The following CDYL variants were observed in gnomAD, a reference collection of about 807,000 sequenced individuals.
The protein encoded by CDYL is chromodomain Y like, also known as chromodomain Y-like protein.
In CDYL, 8 loss-of-function variants were observed where a neutral mutation model predicts 47.3. The ratio of observed to expected loss-of-function variants is 0.17; its 90% CI spans 0.10 to 0.31. CDYL has a LOEUF of 0.31. CDYL is among the 10% of genes least tolerant of loss of function. The pLI is 1.00. For missense variants in CDYL, 471 were observed against 701.4 expected (o/e 0.67, Z 3.71); for synonymous variants, 266 against 265.0 (o/e 1.00, Z -0.04).
In CDYL at chr6:4,891,907, G is replaced by T. The variant is rs1398289550; in HGVS notation, c.219G>T (p.Arg73Ser). The T allele has an allele frequency of 1.2e-6, 2 of 1,613,922 alleles. No individual in the cohort carries two copies. The highest frequency in any genetic ancestry group is 2.7e-5 in the African/African-American group (2 of 74,868). The change falls in exon 2 of 7, where the codon AGG (arginine) becomes AGT (serine). Residue 73 changes from arginine to serine, a missense_variant. Physicochemically the swap from Arg to Ser is moderately radical, Grantham distance 110. Transcript: ENST00000397588. ...QKESTLTRTN[R>S]TSPNNARKQI... ...AGAGCACATTGACCAGAACAAACAG[G>T]ACCTCTCCCAACAATGCTAGGAAAC...
intron 1 of CDYL, among the ~76,000 whole-genome samples, chr6:4,778,811 T>C (rs1758537142): frequency 6.6e-6 from 1 of 152,180 alleles, no homozygotes; most frequent in South Asian, 2.1e-4. Context: ...GTGACTATGT[T>C]ACCATTGAAA....
In CDYL at chr6:4,895,813, G is replaced by A. The variant is rs1412067211; in HGVS notation, c.691+3434G>A. Among the ~76,000 whole-genome samples the A allele has an allele frequency of 2.0e-5, 3 of 152,106 alleles. No homozygotes were observed. In the East Asian group the frequency reaches 5.8e-4, roughly 29 times the overall value. On this transcript the variant is annotated intron_variant, in intron 2 of 6. Coordinates refer to ENST00000397588, the MANE Select transcript of CDYL (RefSeq NM_004824.4). ...TCATTCCTTTATATTTCTTATATAA[G>A]GAAGATAATAATAGCTTCCATTTAA...
chr6:4,728,017 AG>A (rs1757545106), intron 2 of CDYL, among the ~76,000 whole-genome samples: 1 of 152,186 alleles, frequency 6.6e-6, no homozygotes, highest in Admixed American at 6.5e-5. Flanking sequence ...TGTTGGTTAG[AG>A]GGTTTACAAC....
intron 3 of CDYL, among the ~76,000 whole-genome samples, chr6:4,739,991 A>T (rs1757768774): frequency 6.6e-6 from 1 of 152,128 alleles, no homozygotes; most frequent in Admixed American, 6.6e-5. Flanking sequence ...GATACACACT[A>T]AATTTCTGAT....
chr6:4,860,316 G>A (rs1161827650), intron 1 of CDYL, among the ~76,000 whole-genome samples: 4 of 151,598 alleles, frequency 2.6e-5, no homozygotes. Context: ...GTTACCACCG[G>A]TTCTTGCCAT....
chr6:4,784,502 T>C (rs1286133482), intron 1 of CDYL, among the ~76,000 whole-genome samples: 1 of 152,234 alleles, frequency 6.6e-6, no homozygotes, highest in African/African-American at 2.4e-5. Context: ...CCTGATGATA[T>C]TGAAAATGCA....
chr6:4,950,765 A>T (rs1758675491), intron 5 of CDYL, among the ~76,000 whole-genome samples: 2 of 151,904 alleles, frequency 1.3e-5, no homozygotes, highest in South Asian at 4.2e-4. Flanking sequence ...CGTCTCTACC[A>T]AAAAATACAA....
At chr6:4,766,740 C>T (rs780049067) in intron 3 of CDYL, among the ~76,000 whole-genome samples, 1 of 152,062 alleles carries the variant, frequency 6.6e-6, no homozygotes, top group Non-Finnish European at 1.5e-5. Flanking sequence ...CACAGTGGCT[C>T]ACACCTGTAA....
intron 2 of CDYL, among the ~76,000 whole-genome samples, chr6:4,928,262 A>ATGTG (rs916912662): frequency 1.3e-5 from 2 of 151,280 alleles, no homozygotes; most frequent in African/African-American, 2.4e-5. Flanking sequence ...TTGTGTGTGT[A>ATGTG]TGTGTGTGTG....
At chr6:4,857,578 C>T (rs1186394749) in intron 1 of CDYL, among the ~76,000 whole-genome samples, 3 of 152,094 alleles carry the variant, frequency 2.0e-5, no homozygotes, top group African/African-American at 7.2e-5. Flanking sequence ...ACAGGTAGAT[C>T]GTTGAGGACT....
chr6:4,821,771 G>C (rs1006838010), intron 1 of CDYL, among the ~76,000 whole-genome samples: 1 of 151,686 alleles, frequency 6.6e-6, no homozygotes, highest in Non-Finnish European at 1.5e-5. Context: ...GGGTTTCCAT[G>C]TGTTCCTAAT....
intron 3 of CDYL, among the ~76,000 whole-genome samples, chr6:4,769,517 A>G (rs186423254): frequency 6.6e-6 from 1 of 152,282 alleles, no homozygotes; most frequent in African/African-American, 2.4e-5. Flanking sequence ...CATATCTAGT[A>G]TTTCATTTTT....
chr6:4,894,970 TATATGTGTATGC>T (rs1463233881), intron 2 of CDYL, among the ~76,000 whole-genome samples: 1 of 141,314 alleles, frequency 7.1e-6, no homozygotes, highest in African/African-American at 3.2e-5. Context: ...TACGTATGTG[TATATGTGTATGC>T]ATATGTGTAT....
At chr6:4,824,098 A>G (rs1341541254) in intron 1 of CDYL, among the ~76,000 whole-genome samples, 2 of 152,228 alleles carry the variant, frequency 1.3e-5, no homozygotes, top group African/African-American at 2.4e-5. Flanking sequence ...ATACTCTTAC[A>G]TAGATACACC....
chr6:4,920,959 G>A (rs1224686376), intron 2 of CDYL, among the ~76,000 whole-genome samples: 2 of 151,588 alleles, frequency 1.3e-5, no homozygotes, highest in African/African-American at 4.9e-5. Flanking sequence ...TTGTATGTAT[G>A]TGTGGCTTCT....
intron 2 of CDYL, among the ~76,000 whole-genome samples, chr6:4,916,701 A>G (rs1230192484): frequency 6.6e-6 from 1 of 152,212 alleles, no homozygotes; most frequent in East Asian, 1.9e-4. Flanking sequence ...ATTCCAGCCA[A>G]GCAGCTGAGC....
intron 1 of CDYL, among the ~76,000 whole-genome samples, chr6:4,784,937 G>C (rs948366756): frequency 1.5e-4 from 23 of 150,384 alleles, no homozygotes; most frequent in African/African-American, 5.8e-4. Context: ...ACCATGTAAC[G>C]TGTGACCTTG....
At chr6:4,816,206 G>A (rs1759670294) in intron 1 of CDYL, among the ~76,000 whole-genome samples, 1 of 151,044 alleles carries the variant, frequency 6.6e-6, no homozygotes, top group Non-Finnish European at 1.5e-5. Context: ...TACCCCAGCT[G>A]TAGAGGACGC....
intron 1 of CDYL, among the ~76,000 whole-genome samples, chr6:4,788,435 A>G (rs953637030): frequency 7.3e-6 from 1 of 137,568 alleles, no homozygotes; most frequent in Admixed American, 8.4e-5. Context: ...GTGAGCCGAG[A>G]TCACCTCACT....
Sources: gnomAD v4.1 joint callset for allele counts (sites outside exome capture counted in the v4.1 genomes callset) on GRCh38, gnomAD v4.1.1 for gene constraint, MANE v1.5 for transcripts, NCBI Gene and HGNC (gene_info 2026-07-23, HGNC 2026-07-21) for gene names.